The following ADAMTS9 variants were observed in gnomAD, a reference collection of about 807,000 sequenced individuals.
ADAMTS9 encodes the protein ADAM metallopeptidase with thrombospondin type 1 motif 9, also known as A disintegrin and metalloproteinase with thrombospondin motifs 9.
In ADAMTS9, 107 loss-of-function variants were observed where a neutral mutation model predicts 257.1. The ratio of observed to expected loss-of-function variants is 0.42; its 90% CI spans 0.36 to 0.49. The LOEUF (loss-of-function observed/expected upper bound fraction) is 0.49, where lower values mean the gene tolerates loss of function less well. ADAMTS9 is among the 20% of genes least tolerant of loss of function. ADAMTS9 has a pLI of 0.03. For missense variants in ADAMTS9, 2,353 were observed against 2,469.1 expected (o/e 0.95, Z 1.00); for synonymous variants, 982 against 880.9 (o/e 1.11, Z -2.03).
chr3:64,522,068 T>G (rs2082859447), intron 39 of ADAMTS9, 98 bp downstream of exon 39: 1 of 1,019,346 alleles, frequency 9.8e-7, no homozygotes, highest in East Asian at 2.6e-5. Flanking sequence ...TCAAGATGCT[T>G]AACTGTAACC....
At chr3:64,589,500 T>C (rs1295746763) in intron 28 of ADAMTS9, 1 of 152,200 alleles carries the variant, frequency 6.6e-6, no homozygotes, top group Non-Finnish European at 1.5e-5. Context: ...ACCTCCCTCA[T>C]GGGTTAAAAC....
At chr3:64,667,468 AG>A (rs1217482364) in intron 3 of ADAMTS9, among the ~76,000 whole-genome samples, 1 of 152,172 alleles carries the variant, frequency 6.6e-6, no homozygotes, top group Non-Finnish European at 1.5e-5. Flanking sequence ...CTTCCCTCTC[AG>A]GGAGAGAAGG....
rs2107060353 is a variant in ADAMTS9 at position 64,684,210 on chromosome 3, G to C, written c.516+2358C>G. On this transcript the variant is annotated intron_variant, in intron 2 of 39. Transcript: ENST00000498707. ...TGTAAATAGTCTTAAATGCCAAATG[G>C]AGTTAGCGATCGAGGAGAAAGACTG... Among the ~76,000 whole-genome samples, 3 of 152,286 alleles carry C rather than the reference G, an allele frequency of 2.0e-5. No homozygotes were observed. The Middle Eastern group carries it at 0.01, about 518-fold the overall frequency.
At chr3:64,544,495 C>G (rs998637821) in intron 32 of ADAMTS9, among the ~76,000 whole-genome samples, 1 of 151,962 alleles carries the variant, frequency 6.6e-6, no homozygotes, top group Non-Finnish European at 1.5e-5. Flanking sequence ...ACAAACCTGA[C>G]AAAAACAAGA....
chr3:64,537,128 C>G (rs890463283), intron 37 of ADAMTS9, among the ~76,000 whole-genome samples: 6 of 152,180 alleles, frequency 3.9e-5, no homozygotes, highest in African/African-American at 1.2e-4. Flanking sequence ...CTTAAAGTAC[C>G]CAATATGGTT....
Position 64,630,458 on chromosome 3 carries a change from T to C in ADAMTS9, c.2389+997A>G, listed in dbSNP as rs561765928. The stretch of plus-strand genomic sequence containing the variant: ...AGCTGTGCATAGTGGTGAGTGCCTA[T>C]AGTCCCAGCTACTCAGGCTGAGGTG... On this transcript the variant is annotated intron_variant, in intron 16 of 39. Transcript: ENST00000498707. 1.7e-4 allele frequency among the ~76,000 whole-genome samples: 26 copies of C among 152,304 alleles called. No individual in the cohort carries two copies. The South Asian group carries it at 5.2e-3, about 30-fold the overall frequency.
At chr3:64,608,987 T>C (rs2084616404) in intron 22 of ADAMTS9, among the ~76,000 whole-genome samples, 1 of 151,692 alleles carries the variant, frequency 6.6e-6, no homozygotes, top group African/African-American at 2.4e-5. Context: ...AATCAATCAA[T>C]GCAATACATT....
At chr3:64,533,326 G>T in intron 37 of ADAMTS9, 56 bp from the exon 38 acceptor site, 1 of 1,323,828 alleles carries the variant, frequency 7.6e-7, no homozygotes, top group Non-Finnish European at 1.1e-6. Context: ...CCTCAAAAAA[G>T]CAAAGGCAAA....
chr3:64,687,815 G>A lies in ADAMTS9; in HGVS notation c.-158C>T. Reference sequence around the variant, plus strand: ...GAGTCGCTGAGGTCTCGCTGCGAGGGTCCCGTCTGCGCTCGGCTGAGCAAC... The same window carrying A: ...GAGTCGCTGAGGTCTCGCTGCGAGGATCCCGTCTGCGCTCGGCTGAGCAAC... On this transcript the variant is annotated 5_prime_UTR_variant, in exon 1 of 40. Coordinates refer to ENST00000498707, the MANE Select transcript of ADAMTS9 (RefSeq NM_182920.2). The surrounding 1 kb of genome is among the most constrained non-coding windows in gnomAD (Gnocchi z 4.4). The A allele has an allele frequency of 1.9e-6, 1 of 534,712 alleles. No individual in the cohort carries two copies. The highest frequency in any genetic ancestry group is 3.2e-6 in the Non-Finnish European group (1 of 308,402). The allele number at this position is 534,712 out of a possible 1,614,324, so 33.1% of individuals were successfully genotyped here.
At chr3:64,632,886 G>A (rs918394599) in intron 14 of ADAMTS9, among the ~76,000 whole-genome samples, 2 of 151,862 alleles carry the variant, frequency 1.3e-5, no homozygotes, top group African/African-American at 4.8e-5. Flanking sequence ...AGCCCAACCG[G>A]GTTAGGAATA....
At chr3:64,619,939 C>T (rs1158484708) in intron 19 of ADAMTS9, among the ~76,000 whole-genome samples, 1 of 151,738 alleles carries the variant, frequency 6.6e-6, no homozygotes, top group Non-Finnish European at 1.5e-5. Context: ...TTGGCTGAAA[C>T]AAAGATGGGT....
intron 31 of ADAMTS9, among the ~76,000 whole-genome samples, chr3:64,548,027 G>A (rs2083225264): frequency 6.6e-6 from 1 of 152,132 alleles, no homozygotes; most frequent in South Asian, 2.1e-4. Flanking sequence ...TCTTGGGTGA[G>A]GGTGGGATAA....
chr3:64,655,526 A>G (rs778260739), intron 6 of ADAMTS9, 50 bp downstream of exon 6: 1 of 1,469,060 alleles, frequency 6.8e-7, no homozygotes, highest in Middle Eastern at 1.7e-4. Context: ...ACCACATCCC[A>G]TCAACTTGAC....
At chr3:64,556,670 G>A (rs552470953) in intron 30 of ADAMTS9, among the ~76,000 whole-genome samples, 1 of 152,206 alleles carries the variant, frequency 6.6e-6, no homozygotes, top group East Asian at 1.9e-4. Flanking sequence ...TCTATAGAGT[G>A]AAAGATGAAA....
intron 8 of ADAMTS9, among the ~76,000 whole-genome samples, chr3:64,653,567 T>C (rs1412321667): frequency 6.6e-6 from 1 of 152,198 alleles, no homozygotes; most frequent in Admixed American, 6.5e-5. Context: ...TCTTGTTTAA[T>C]AAATGATGTT....
chr3:64,622,962 A>G (rs570440239), intron 16 of ADAMTS9, among the ~76,000 whole-genome samples: 1 of 152,328 alleles, frequency 6.6e-6, no homozygotes, highest in Admixed American at 6.5e-5. Context: ...TAGTGAACGG[A>G]ACACTTACAA....
intron 38 of ADAMTS9, among the ~76,000 whole-genome samples, chr3:64,532,025 G>A (rs1344114892): frequency 6.6e-6 from 1 of 152,150 alleles, no homozygotes; most frequent in Non-Finnish European, 1.5e-5. Flanking sequence ...CTCCTGCCAG[G>A]TCCCCCCACC....
intron 10 of ADAMTS9, 133 bp from the exon 11 acceptor site, chr3:64,648,177 T>C: frequency 1.3e-6 from 1 of 785,922 alleles, no homozygotes; most frequent in South Asian, 1.8e-5. Context: ...CTTTTCTTGG[T>C]ATGATAAATG....
intron 36 of ADAMTS9, 126 bp from the exon 37 acceptor site, chr3:64,539,420 A>C (rs2083092742): frequency 5.1e-6 from 4 of 785,864 alleles, no homozygotes; most frequent in Non-Finnish European, 8.6e-6. Context: ...GAGAGAAAGA[A>C]GCAATGTGAA....
Sources: allele counts gnomAD v4.1 joint callset (sites outside exome capture counted in the v4.1 genomes callset), GRCh38; gene constraint gnomAD v4.1.1; non-coding constraint Gnocchi (gnomAD v3.1); transcripts MANE v1.5; gene names NCBI Gene and HGNC (gene_info 2026-07-23, HGNC 2026-07-21).